Variants in LRMDA observed in about 807,000 individuals in gnomAD.
LRMDA encodes the protein leucine-rich melanocyte differentiation-associated protein.
LRMDA carries 18 observed loss-of-function variants against 29.8 expected under a neutral mutation model. The ratio of observed to expected loss-of-function variants is 0.60; its 90% CI spans 0.42 to 0.90. The LOEUF is 0.90. Among genes scored for constraint, LRMDA ranks in the 40% least tolerant of loss-of-function variants. LRMDA has a pLI of 0.00. For missense variants in LRMDA, 273 were observed against 273.9 expected (o/e 1.00, Z 0.02); for synonymous variants, 125 against 109.4 (o/e 1.14, Z -0.89).
intron 6 of LRMDA, among the ~76,000 whole-genome samples, chr10:76,519,024 G>C (rs2132359077): frequency 6.6e-6 from 1 of 152,160 alleles, no homozygotes; most frequent in Admixed American, 6.5e-5. Context: ...AACCCCATCT[G>C]TTGGCCAGGT....
At chr10:76,033,152 A>G (rs774114339) in intron 2 of LRMDA, among the ~76,000 whole-genome samples, 1 of 151,944 alleles carries the variant, frequency 6.6e-6, no homozygotes, top group Non-Finnish European at 1.5e-5. Context: ...CCCAAAACCT[A>G]TCTTCCCCAG....
intron 2 of LRMDA, among the ~76,000 whole-genome samples, chr10:75,604,499 G>A (rs895302545): frequency 6.6e-6 from 1 of 152,088 alleles, no homozygotes; most frequent in African/African-American, 2.4e-5. Context: ...AGAGTTCCCG[G>A]CAACTGTTCT....
At chr10:75,788,472 C>CT (rs1241868727) in intron 2 of LRMDA, among the ~76,000 whole-genome samples, 1 of 152,186 alleles carries the variant, frequency 6.6e-6, no homozygotes, top group African/African-American at 2.4e-5. Flanking sequence ...GCTAGTTGTC[C>CT]GTCCCATTTT....
intron 2 of LRMDA, among the ~76,000 whole-genome samples, chr10:75,507,985 T>A (rs1311999624): frequency 6.6e-6 from 1 of 152,202 alleles, no homozygotes; most frequent in Non-Finnish European, 1.5e-5. Flanking sequence ...GTGTTGAGAT[T>A]TCCTTGCCAA....
At chr10:76,059,697 A>G (rs1315511537) in intron 5 of LRMDA, among the ~76,000 whole-genome samples, 1 of 152,208 alleles carries the variant, frequency 6.6e-6, no homozygotes, top group East Asian at 1.9e-4. Flanking sequence ...CTGCATGTGC[A>G]TTGGAAATGA....
At position 75,593,747 on chromosome 10, in the gene LRMDA, A is replaced by G. The variant is rs546883122; in HGVS notation, c.131+155253A>G. 8.5e-5 allele frequency among the ~76,000 whole-genome samples: 13 copies of G among 152,294 alleles called. No homozygotes were observed. The East Asian group carries it at 9.7e-4, about 11-fold the overall frequency. ...TACTGATTCCATGGAAGTTCACGTC[A>G]GGGGCTATGTGGATCCTGTCGCCCT... On this transcript the variant is annotated intron_variant, in intron 2 of 6. Transcript: ENST00000611255.
chr10:75,860,983 A>G (rs1844919568), intron 2 of LRMDA, among the ~76,000 whole-genome samples: 1 of 152,230 alleles, frequency 6.6e-6, no homozygotes, highest in Non-Finnish European at 1.5e-5. Context: ...AGATTTTTAT[A>G]GAAATAAGGT....
intron 2 of LRMDA, among the ~76,000 whole-genome samples, chr10:75,871,774 T>C (rs1475819310): frequency 6.6e-6 from 1 of 152,200 alleles, no homozygotes; most frequent in Non-Finnish European, 1.5e-5. Flanking sequence ...CTGGGTTTGT[T>C]TGATATCAGC....
At chr10:76,270,162 A>C (rs985369743) in intron 5 of LRMDA, 1 of 152,246 alleles carries the variant, frequency 6.6e-6, no homozygotes. Context: ...TTGTAGTCAG[A>C]CAATAGACAC....
At chr10:75,614,398 G>A (rs1454086912) in intron 2 of LRMDA, among the ~76,000 whole-genome samples, 1 of 152,278 alleles carries the variant, frequency 6.6e-6, no homozygotes, top group East Asian at 1.9e-4. Flanking sequence ...CCAGCCCATT[G>A]TCATTAATCA....
At chr10:76,392,607 G>C (rs1171776930) in intron 6 of LRMDA, among the ~76,000 whole-genome samples, 1 of 151,890 alleles carries the variant, frequency 6.6e-6, no homozygotes, top group Non-Finnish European at 1.5e-5. Flanking sequence ...TCAGATTTTT[G>C]AGTATTTAGG....
chr10:76,231,066 T>G (rs1268694205), intron 5 of LRMDA, among the ~76,000 whole-genome samples: 1 of 151,952 alleles, frequency 6.6e-6, no homozygotes, highest in Non-Finnish European at 1.5e-5. Flanking sequence ...GCAATTAACA[T>G]ATCATGGGGA....
intron 2 of LRMDA, among the ~76,000 whole-genome samples, chr10:75,933,161 C>G (rs1275541217): frequency 6.6e-6 from 1 of 152,098 alleles, no homozygotes; most frequent in Non-Finnish European, 1.5e-5. Flanking sequence ...GGAACCTTAT[C>G]TGAGCTGTCA....
intron 2 of LRMDA, among the ~76,000 whole-genome samples, chr10:75,458,917 C>CTTTACTAAAAGT (rs1844552377): frequency 6.6e-6 from 1 of 151,962 alleles, no homozygotes; most frequent in East Asian, 1.9e-4. Flanking sequence ...ATTTTTTTGT[C>CTTTACTAAAAGT]TTTACTAAAA....
chr10:75,881,093 A>C (rs752683825), intron 2 of LRMDA, among the ~76,000 whole-genome samples: 4 of 152,188 alleles, frequency 2.6e-5, no homozygotes, highest in Admixed American at 6.5e-5. Flanking sequence ...CTGTCCAGTG[A>C]ATATAAGCAG....
chr10:76,087,192 G>A (rs79790330), intron 5 of LRMDA, among the ~76,000 whole-genome samples: 21 of 152,104 alleles, frequency 1.4e-4, no homozygotes, highest in African/African-American at 4.1e-4. Context: ...GGGTAGTCTC[G>A]TTGTAGCAGG....
intron 2 of LRMDA, among the ~76,000 whole-genome samples, chr10:75,721,150 T>TAATGTAATGTA (rs1842562188): frequency 6.6e-6 from 1 of 152,184 alleles, no homozygotes; most frequent in Admixed American, 6.5e-5. Context: ...TAATTTACAG[T>TAATGTAATGTA]ATGTGACATT....
At chr10:76,398,715 G>A (rs149851503) in intron 6 of LRMDA, among the ~76,000 whole-genome samples, 1,751 of 152,286 alleles carry the variant, frequency 0.011, 19 homozygotes, top group Non-Finnish European at 0.019. Flanking sequence ...TGGGTTTTTG[G>A]TCTGGCTTGA....
At chr10:76,423,367 C>T (rs1030921129) in intron 6 of LRMDA, among the ~76,000 whole-genome samples, 9 of 152,126 alleles carry the variant, frequency 5.9e-5, no homozygotes, top group Non-Finnish European at 1.3e-4. Flanking sequence ...ACACTCCAGC[C>T]TAGGCAACAG....
Sources: gnomAD v4.1 joint callset for allele counts (sites outside exome capture counted in the v4.1 genomes callset) on GRCh38, gnomAD v4.1.1 for gene constraint, MANE v1.5 for transcripts, NCBI Gene and HGNC (gene_info 2026-07-23, HGNC 2026-07-21) for gene names.